ZNF443: variants seen among roughly 807,000 people sequenced by gnomAD.
ZNF443 encodes the protein zinc finger protein 443, also known as Kruppel-type zinc finger (C2H2).
In ZNF443, 3 loss-of-function variants were observed where a neutral mutation model predicts 12.0. The ratio of observed to expected loss-of-function variants is 0.25; its 90% CI spans 0.11 to 0.64. The LOEUF is 0.64. ZNF443 is among the 30% of genes least tolerant of loss of function. The pLI is 0.84. For synonymous variants in ZNF443, 225 were observed against 265.9 expected (o/e 0.85, Z 1.50); for missense variants, 770 against 808.8 (o/e 0.95, Z 0.58).
In ZNF443 at chr19:12,431,146, A is replaced by G. The variant is rs140156253; in HGVS notation, c.1026T>C (p.Cys342=). The change falls in exon 4 of 4, where the codon TGT becomes TGC. Residue 342 remains cysteine (C), a synonymous_variant. Coordinates refer to ENST00000301547, the MANE Select transcript of ZNF443 (RefSeq NM_005815.5). The part of the protein sequence containing the change: ...SAEKPYACQQ[C]GKAFHHLGSF... ...TTCCCAGATGATGAAACGCTTTCCC[A>G]CATTGCTGACATGCATAGGGTTTCT... 614 of 1,613,934 alleles carry G rather than the reference A, an allele frequency of 3.8e-4. No individual in the cohort carries two copies. Among genetic ancestry groups the G allele is most frequent in the Non-Finnish European group, 4.8e-4 (571 of 1,179,964 alleles).
At chr19:12,432,676 G>A (rs1177356903) in intron 2 of ZNF443, among the ~76,000 whole-genome samples, 2 of 139,778 alleles carry the variant, frequency 1.4e-5, no homozygotes, top group Non-Finnish European at 3.1e-5. Flanking sequence ...CCTACTCAAT[G>A]TGAAGACAAT....
chr19:12,433,856 A>T (rs1360527281), intron 1 of ZNF443, among the ~76,000 whole-genome samples: 1 of 150,548 alleles, frequency 6.6e-6, no homozygotes. Flanking sequence ...AAAAAAAAAG[A>T]AAAAAAAAGT....
Position 12,431,900 on chromosome 19 carries a change from A to G in ZNF443, c.272T>C (p.Ile91Thr). 6.2e-7 allele frequency: 1 copy of G among 1,613,774 alleles called. No homozygotes were observed. The highest frequency in any genetic ancestry group is 8.5e-7 in the Non-Finnish European group (1 of 1,179,906). The change falls in exon 4 of 4, where the codon ATT becomes ACT. Residue 91 changes from isoleucine to threonine, a missense_variant. Physicochemically the swap from Ile to Thr is moderately conservative, Grantham distance 89. Transcript: ENST00000301547. ...TCCAGGAAGAGTGTTCTTGGTCACA[A>G]TACTATCTTGAATCTGGCTAGATGT... ...GETSSQIQDS[I>T]VTKNTLPGVG...
In ZNF443 at chr19:12,433,723, G is replaced by C. The variant is rs571582299; in HGVS notation, c.4-526C>G. ...TTTCGTTAACTCCCATCTTCCTTCT[G>C]AGAGTCTGGAATTTTGTTACATACT... On this transcript the variant is annotated intron_variant, in intron 1 of 3. Transcript: ENST00000301547. 2.6e-5 allele frequency among the ~76,000 whole-genome samples: 4 copies of C among 151,896 alleles called. No individual in the cohort carries two copies. In the South Asian group the frequency reaches 8.3e-4, roughly 32 times the overall value.
At position 12,430,983 on chromosome 19, in the gene ZNF443, G is replaced by T; in HGVS notation, c.1189C>A (p.Gln397Lys). 1.9e-6 allele frequency: 3 copies of T among 1,613,624 alleles called. No individual in the cohort carries two copies. Among genetic ancestry groups the T allele is most frequent in the Non-Finnish European group, 2.5e-6 (3 of 1,179,718 alleles). ...HTGEKPYECK[Q>K]CGKALSHRSS... ...CGATGAGATAATGCTTTCCCACACT[G>T]CTTGCATTCATAGGGTTTCTCTCCA... is the stretch of plus-strand genomic sequence containing the variant. Residue 397 changes from glutamine to lysine, a missense_variant, in exon 4 of 4, where the codon CAG (glutamine) becomes AAG (lysine). Transcript: ENST00000301547.
In ZNF443 at chr19:12,431,218, G is replaced by A. The variant is rs868045397; in HGVS notation, c.954C>T (p.Phe318=). 3 of 1,613,138 alleles carry A rather than the reference G, an allele frequency of 1.9e-6. No individual in the cohort carries two copies. The African/African-American group carries it at 4.0e-5, about 22-fold the overall frequency. Residue 318 remains phenylalanine (F), a synonymous_variant, in exon 4 of 4, where the codon TTC becomes TTT. Coordinates refer to ENST00000301547, the MANE Select transcript of ZNF443 (RefSeq NM_005815.5). ...PYTCKQCGKA[F]SVSGSLQRHE... Reference sequence around the variant, plus strand: ...GTCTTTGAAGGGAACCGGAAACACTGAAGGCTTTCCCACATTGTTTACATG... The same window carrying A: ...GTCTTTGAAGGGAACCGGAAACACTAAAGGCTTTCCCACATTGTTTACATG...
At chr19:12,433,747 C>G (rs1454689829) in intron 1 of ZNF443, among the ~76,000 whole-genome samples, 1 of 151,380 alleles carries the variant, frequency 6.6e-6, no homozygotes, top group Non-Finnish European at 1.5e-5. Context: ...TTGTTACATA[C>G]TCAGCAGACA....
At chr19:12,438,586 TA>T (rs34133266) in intron 1 of ZNF443, among the ~76,000 whole-genome samples, 60,703 of 151,888 alleles carry the variant, frequency 0.4, 13,896 homozygotes, top group Non-Finnish European at 0.51. Context: ...CACTTTCTTG[TA>T]AAAATGTATT....
chr19:12,431,190 C>T lies in ZNF443; in HGVS notation c.982G>A (p.Glu328Lys). 1 of 1,613,574 alleles carries T rather than the reference C, an allele frequency of 6.2e-7. No homozygotes were observed. The part of the protein sequence containing the change: ...FSVSGSLQRH[E>K]TTHSAEKPYA... The stretch of plus-strand genomic sequence containing the variant: ...GGTTTCTCTGCACTGTGAGTGGTTT[C>T]ATGTCTTTGAAGGGAACCGGAAACA... Residue 328 changes from glutamate to lysine, a missense_variant, in exon 4 of 4, where the codon GAA (glutamate) becomes AAA (lysine). Coordinates refer to ENST00000301547, the MANE Select transcript of ZNF443 (RefSeq NM_005815.5).
rs766072284 is a variant in ZNF443, at chr19:12,430,720, G to C, written c.1452C>G (p.Ala484=). ...EKPYKCKLGK[A]CIDFCSFQNH... is the part of the protein sequence containing the mutation. ...TTTGAAAGGAACAGAAATCAATACA[G>C]GCTTTCCCAAGTTTGCATTTATAGG... is the stretch of plus-strand genomic sequence containing the variant. Residue 484 remains alanine (A), a synonymous_variant, in exon 4 of 4, where the codon GCC becomes GCG. Transcript: ENST00000301547. The C allele has an allele frequency of 5.0e-6, 8 of 1,613,256 alleles. No homozygotes were observed. The highest frequency in any genetic ancestry group is 6.8e-6 in the Non-Finnish European group (8 of 1,179,420).
rs371156329 is a variant in ZNF443, at chr19:12,430,933, T to C, written c.1239A>G (p.Ile413Met). ...TATGAGGTCCATCTCCAGTGTGCAT[T>C]ATCATATGACTTCGAAAGCTTGAGC... Reference protein sequence around the residue: ...SHRSSFRSHMIMHTGDGPHKC... With the variant: ...SHRSSFRSHMMMHTGDGPHKC... Residue 413 changes from isoleucine to methionine, a missense_variant, in exon 4 of 4, where the codon ATA (isoleucine) becomes ATG (methionine). This residue lies in a region of ZNF443 where 736 missense variants were observed against 689.4 expected (regional missense o/e 1.07). Transcript: ENST00000301547. 2.1e-5 allele frequency: 34 copies of C among 1,613,984 alleles called. No individual in the cohort carries two copies. Among genetic ancestry groups the C allele is most frequent in the Admixed American group, 2.0e-4 (12 of 59,990 alleles).
Position 12,431,498 on chromosome 19 carries a change from T to C in ZNF443, c.674A>G (p.Tyr225Cys), listed in dbSNP as rs772260802. The C allele has an allele frequency of 6.2e-7, 1 of 1,614,186 alleles. No individual in the cohort carries two copies. Among genetic ancestry groups the C allele is most frequent in the Non-Finnish European group, 8.5e-7 (1 of 1,180,006 alleles). Residue 225 changes from tyrosine to cysteine, a missense_variant, in exon 4 of 4, where the codon TAT becomes TGT. Transcript: ENST00000301547. ...HERTHTGEKP[Y>C]ECKQCSKAFS... ...GGCTTTAGAACACTGCTTACATTCA[T>C]ATGGTTTCTCTCCAGTGTGCGTTCT...
chr19:12,440,537 G>A (rs2144961939), intron 1 of ZNF443, among the ~76,000 whole-genome samples: 1 of 152,268 alleles, frequency 6.6e-6, no homozygotes, highest in Non-Finnish European at 1.5e-5. Context: ...CAGGGAGGCG[G>A]ATCTGGGGTG....
chr19:12,432,314 A>C (rs1970264801), intron 3 of ZNF443, 63 bp downstream of exon 3: 1 of 1,402,790 alleles, frequency 7.1e-7, no homozygotes, highest in Non-Finnish European at 9.8e-7. Context: ...CTTCTTTTTA[A>C]ATTTTCATGT....
At chr19:12,436,273 G>C (rs993686659) in intron 1 of ZNF443, among the ~76,000 whole-genome samples, 2 of 144,438 alleles carry the variant, frequency 1.4e-5, no homozygotes, top group African/African-American at 5.3e-5. Context: ...CTGAGGCCAG[G>C]AGTTTGAGAC....
intron 1 of ZNF443, among the ~76,000 whole-genome samples, chr19:12,440,471 T>G (rs1332453124): frequency 6.6e-6 from 1 of 151,858 alleles, no homozygotes; most frequent in Non-Finnish European, 1.5e-5. Context: ...ACCCCTCACT[T>G]CCCCACCAAC....
At position 12,431,095 on chromosome 19, in the gene ZNF443, G is replaced by A; in HGVS notation, c.1077C>T (p.His359=). The part of the protein sequence containing the change: ...LGSFQRHMIR[H]TGNGPHKCKI... ...TACATTTATGAGGTCCATTTCCAGT[G>A]TGCCTTATCATGTGTCTTTGAAAGC... Residue 359 remains histidine (H), a synonymous_variant, in exon 4 of 4, where the codon CAC becomes CAT. Transcript: ENST00000301547. 1 of 1,613,964 alleles carries A rather than the reference G, an allele frequency of 6.2e-7. No individual in the cohort carries two copies. The highest frequency in any genetic ancestry group is 8.5e-7 in the Non-Finnish European group (1 of 1,179,978).
chr19:12,438,732 AAAAT>A (rs1326528732), intron 1 of ZNF443, among the ~76,000 whole-genome samples: 3 of 152,200 alleles, frequency 2.0e-5, no homozygotes, highest in African/African-American at 4.8e-5. Context: ...TGGGGCAAAA[AAAAT>A]AAATAAAGGC....
intron 1 of ZNF443, among the ~76,000 whole-genome samples, chr19:12,435,098 C>T (rs1401939809): frequency 1.3e-5 from 2 of 151,986 alleles, no homozygotes; most frequent in Non-Finnish European, 2.9e-5. Flanking sequence ...CTGCCTCAGC[C>T]TCGCAAGTAG....
Sources: allele counts gnomAD v4.1 joint callset (sites outside exome capture counted in the v4.1 genomes callset), GRCh38; gene constraint gnomAD v4.1.1; regional missense constraint gnomAD v4.1.1; transcripts MANE v1.5; gene names NCBI Gene and HGNC (gene_info 2026-07-23, HGNC 2026-07-21).